The following RPTOR variants were observed in gnomAD, a reference collection of about 807,000 sequenced individuals.
RPTOR encodes regulatory-associated protein of mTOR.
RPTOR carries 21 observed loss-of-function variants against 169.9 expected under a neutral mutation model. The observed-to-expected ratio is 0.12, with a 90% confidence interval of 0.09 to 0.18. RPTOR has a LOEUF of 0.18. RPTOR is among the 10% of genes least tolerant of loss of function. RPTOR has a pLI of 1.00. For synonymous variants in RPTOR, 732 were observed against 753.2 expected (o/e 0.97, Z 0.46); for missense variants, 1,133 against 1,855.9 (o/e 0.61, Z 7.16).
chr17:80,755,475 G>A (rs748625666), intron 6 of RPTOR, among the ~76,000 whole-genome samples: 2 of 152,128 alleles, frequency 1.3e-5, no homozygotes, highest in Non-Finnish European at 1.5e-5. Flanking sequence ...AGTGGCTCAT[G>A]CCTGTAACCC....
At chr17:80,964,224 C>T (rs1348906889) in intron 33 of RPTOR, 38 bp from the exon 34 acceptor site, 13 of 1,581,490 alleles carry the variant, frequency 8.2e-6, no homozygotes, top group Non-Finnish European at 1.1e-5. Flanking sequence ...TGTCTGCCCG[C>T]ACCTGAACCC....
chr17:80,834,531 G>A (rs2067542407), intron 9 of RPTOR, among the ~76,000 whole-genome samples: 1 of 152,186 alleles, frequency 6.6e-6, no homozygotes, highest in African/African-American at 2.4e-5. Flanking sequence ...TCTGAAATGT[G>A]GAGCTGGGTC....
chr17:80,847,104 C>T (rs1449886414), intron 11 of RPTOR, among the ~76,000 whole-genome samples: 1 of 152,260 alleles, frequency 6.6e-6, no homozygotes, highest in Admixed American at 6.5e-5. Flanking sequence ...GTAGGTTATG[C>T]ACTGAAGCAC....
chr17:80,940,693 C>A (rs8082065), intron 25 of RPTOR, 92 bp downstream of exon 25: 1 of 1,017,658 alleles, frequency 9.8e-7, no homozygotes, highest in Non-Finnish European at 1.5e-6. Context: ...GCGGCCCACG[C>A]ACAACCTTCT....
intron 13 of RPTOR, chr17:80,858,133 C>T (rs764208034): frequency 9.7e-5 from 53 of 548,868 alleles, no homozygotes; most frequent in Admixed American, 2.4e-4. Context: ...TGGTACCCTG[C>T]GCTCAGTCCC....
intron 4 of RPTOR, among the ~76,000 whole-genome samples, chr17:80,716,794 C>T (rs765492122): frequency 6.6e-6 from 1 of 152,108 alleles, no homozygotes; most frequent in Non-Finnish European, 1.5e-5. Flanking sequence ...TGTGACTTGC[C>T]AGTTATCCCA....
chr17:80,770,957 C>T (rs2066837242), intron 6 of RPTOR, among the ~76,000 whole-genome samples: 1 of 152,248 alleles, frequency 6.6e-6, no homozygotes, highest in Non-Finnish European at 1.5e-5. Context: ...TGTGCTGCCT[C>T]TCCTGGCCCG....
intron 10 of RPTOR, among the ~76,000 whole-genome samples, chr17:80,842,986 G>A (rs2067687581): frequency 6.6e-6 from 1 of 152,226 alleles, no homozygotes; most frequent in Non-Finnish European, 1.5e-5. Flanking sequence ...GGACCACACA[G>A]TTGTAATGAC....
chr17:80,923,441 G>A, intron 22 of RPTOR, 49 bp from the exon 23 acceptor site: 1 of 1,607,056 alleles, frequency 6.2e-7, no homozygotes, highest in Non-Finnish European at 8.5e-7. Context: ...CCCTCTCGAA[G>A]CCCCAGACTC....
chr17:80,940,462 G>T, intron 24 of RPTOR, 34 bp from the exon 25 acceptor site: 2 of 1,576,984 alleles, frequency 1.3e-6, no homozygotes, highest in East Asian at 2.3e-5. Context: ...CTGTTTCATC[G>T]CTGGGCTTAA....
intron 21 of RPTOR, among the ~76,000 whole-genome samples, chr17:80,913,448 G>A (rs1231932761): frequency 6.6e-6 from 1 of 151,866 alleles, no homozygotes; most frequent in Non-Finnish European, 1.5e-5. Flanking sequence ...AGTTTTGGGG[G>A]TGTTGTTTGT....
At chr17:80,843,943 C>A (rs2067698297) in intron 10 of RPTOR, among the ~76,000 whole-genome samples, 1 of 152,146 alleles carries the variant, frequency 6.6e-6, no homozygotes, top group African/African-American at 2.4e-5. Context: ...TCCAAATCGC[C>A]CTGGGAGAGC....
intron 2 of RPTOR, among the ~76,000 whole-genome samples, chr17:80,634,488 CATACTGTGTGT>C (rs1567830935): frequency 1.2e-5 from 1 of 82,028 alleles, no homozygotes; most frequent in East Asian, 3.9e-4. Flanking sequence ...ACTGTGTGTG[CATACTGTGTGT>C]GTGCATACTG....
In RPTOR at chr17:80,565,574, G is replaced by A. The variant is rs960404514; in HGVS notation, c.162+19783G>A. Among the ~76,000 whole-genome samples, 11 of 150,138 alleles carry A rather than the reference G, an allele frequency of 7.3e-5. 1 individual carries two copies. The highest frequency in any genetic ancestry group is 3.3e-4 in the Admixed American group (5 of 15,076). ...GGTTAGAGCCCCAGGGCTGGGAGGC[G>A]GAGGGAGGCGTGCACTGCTGTGGAG... On this transcript the variant is annotated intron_variant, in intron 1 of 33. Coordinates refer to ENST00000306801, the MANE Select transcript of RPTOR (RefSeq NM_020761.3).
intron 21 of RPTOR, among the ~76,000 whole-genome samples, chr17:80,917,316 G>A (rs1185169625): frequency 3.3e-5 from 5 of 152,002 alleles, no homozygotes; most frequent in African/African-American, 1.2e-4. Flanking sequence ...TTTCACCATT[G>A]TTGGCCAGGC....
At chr17:80,904,372 G>A (rs575459648) in intron 20 of RPTOR, among the ~76,000 whole-genome samples, 6 of 152,266 alleles carry the variant, frequency 3.9e-5, no homozygotes, top group Admixed American at 1.3e-4. Flanking sequence ...TTGGGGTGGC[G>A]GCTGGCAGCT....
At chr17:80,654,549 A>G (rs1420801912) in intron 3 of RPTOR, among the ~76,000 whole-genome samples, 1 of 152,220 alleles carries the variant, frequency 6.6e-6, no homozygotes. Context: ...GCTGGGTGGC[A>G]GGATTTAAAG....
intron 1 of RPTOR, among the ~76,000 whole-genome samples, chr17:80,583,182 G>GTTTTTTTTTTTTTTT (rs1166711662): frequency 1.5e-4 from 12 of 79,276 alleles, no homozygotes; most frequent in Non-Finnish European, 2.0e-4. Context: ...CCTCTTTCCT[G>GTTTTTTTTTTTTTTT]TTTTTTTTTT....
chr17:80,754,208 C>T lies in RPTOR; in HGVS notation c.830+23C>T. On this transcript the variant is annotated intron_variant, in intron 6 of 33. Transcript: ENST00000306801. The surrounding 1 kb of genome is among the most constrained non-coding windows in gnomAD (Gnocchi z 4.2). ...CTGGTGAGTGGCCCCTGCTGTGCCC[C>T]TGGGACCCACTCAACTGGGCTCTCC... The T allele has an allele frequency of 6.4e-7, 1 of 1,567,456 alleles. No homozygotes were observed. Among genetic ancestry groups the T allele is most frequent in the Non-Finnish European group, 8.7e-7 (1 of 1,152,436 alleles).
Sources: allele counts gnomAD v4.1 joint callset (sites outside exome capture counted in the v4.1 genomes callset), GRCh38; gene constraint gnomAD v4.1.1; non-coding constraint Gnocchi (gnomAD v3.1); transcripts MANE v1.5; gene names NCBI Gene and HGNC (gene_info 2026-07-23, HGNC 2026-07-21).